The following NPEPPS variants were observed in gnomAD, a reference collection of about 807,000 sequenced individuals.
The protein encoded by NPEPPS is aminopeptidase puromycin sensitive, also known as puromycin-sensitive aminopeptidase.
In NPEPPS, 14 loss-of-function variants were observed where a neutral mutation model predicts 115.5. That is an observed-to-expected ratio of 0.12 (90% CI 0.08 to 0.19). NPEPPS has a LOEUF of 0.19. Among genes scored for constraint, NPEPPS ranks in the 10% least tolerant of loss-of-function variants. The probability of loss-of-function intolerance (pLI) is 1.00; values close to 1 mark genes in which losing one functional copy is unlikely to be tolerated. For synonymous variants in NPEPPS, 285 were observed against 390.6 expected (o/e 0.73, Z 3.19); for missense variants, 523 against 1,110.8 (o/e 0.47, Z 7.52).
chr17:47,609,241 A>G (rs944280552), intron 17 of NPEPPS, among the ~76,000 whole-genome samples: 1 of 152,216 alleles, frequency 6.6e-6, no homozygotes, highest in Non-Finnish European at 1.5e-5. Flanking sequence ...GGTCCAGTGC[A>G]GAAGTTAAGG....
intron 4 of NPEPPS, chr17:47,580,412 T>C (rs1365875610): frequency 3.3e-5 from 5 of 152,178 alleles, no homozygotes; most frequent in Admixed American, 3.3e-4. Context: ...CAATTTTTTT[T>C]TAGGAGAAGG....
rs553614809 is a variant in NPEPPS, at chr17:47,565,237, G to A, written c.341-4180G>A. 4.4e-4 allele frequency among the ~76,000 whole-genome samples: 67 copies of A among 152,214 alleles called. No homozygotes were observed. In the East Asian group the frequency reaches 0.011, roughly 25 times the overall value. On this transcript the variant is annotated intron_variant, in intron 2 of 22. Transcript: ENST00000322157. ...TTAAAGAAGTGATTTGAGGCTGGGC[G>A]TGGTGGCTTACACCTGTAATCCCAA...
chr17:47,528,192 C>T (rs1406799971), upstream of NPEPPS, among the ~76,000 whole-genome samples: 6 of 151,916 alleles, frequency 3.9e-5, no homozygotes, highest in Middle Eastern at 3.4e-3. Context: ...ATCCCAGCTA[C>T]TGAGGAGGCT....
intron 19 of NPEPPS, among the ~76,000 whole-genome samples, chr17:47,614,102 C>T (rs1036995836): frequency 3.3e-5 from 5 of 151,906 alleles, no homozygotes; most frequent in African/African-American, 9.7e-5. Context: ...TTCCAAGTAG[C>T]TGGAATTATA....
At position 47,612,441 on chromosome 17, in the gene NPEPPS, C is replaced by T; in HGVS notation, c.2096-19C>T. ...AGGCTTTTTAAGTAGTCTTATGTCT[C>T]TTTTACTTCTCAAATCAGGTCATCT... On this transcript the variant is annotated intron_variant, in intron 17 of 22. Transcript: ENST00000322157. 1 of 1,612,952 alleles carries T rather than the reference C, an allele frequency of 6.2e-7. No individual in the cohort carries two copies. Among genetic ancestry groups the T allele is most frequent in the Non-Finnish European group, 8.5e-7 (1 of 1,179,450 alleles).
intron 3 of NPEPPS, among the ~76,000 whole-genome samples, chr17:47,571,856 A>G (rs1398671479): frequency 6.6e-6 from 1 of 152,242 alleles, no homozygotes; most frequent in African/African-American, 2.4e-5. Context: ...TCCTATGTAT[A>G]TATAAATTTA....
intron 5 of NPEPPS, among the ~76,000 whole-genome samples, chr17:47,583,857 G>A (rs1211994821): frequency 2.0e-5 from 3 of 151,952 alleles, no homozygotes. Context: ...AGGAGTTTGA[G>A]GCTACAGGGA....
At chr17:47,554,937 C>G (rs1909899976) in intron 2 of NPEPPS, among the ~76,000 whole-genome samples, 1 of 152,168 alleles carries the variant, frequency 6.6e-6, no homozygotes, top group Non-Finnish European at 1.5e-5. Flanking sequence ...TTTCATCACA[C>G]TATTCAGAAC....
intron 2 of NPEPPS, among the ~76,000 whole-genome samples, chr17:47,554,056 T>C (rs1228312215): frequency 2.0e-5 from 3 of 151,652 alleles, no homozygotes; most frequent in Non-Finnish European, 4.4e-5. Context: ...TTTTTTTTTT[T>C]TGAGATGGAG....
chr17:47,600,054 G>A (rs904638292), intron 14 of NPEPPS, among the ~76,000 whole-genome samples: 5 of 152,004 alleles, frequency 3.3e-5, no homozygotes, highest in African/African-American at 1.2e-4. Flanking sequence ...TCCTGACCTC[G>A]AGATCCGCCT....
chr17:47,535,316 C>T (rs889567557), intron 1 of NPEPPS, among the ~76,000 whole-genome samples: 1 of 143,282 alleles, frequency 7.0e-6, no homozygotes, highest in Non-Finnish European at 1.5e-5. Context: ...CTTTGGGAGG[C>T]AGAGGCGGGC....
At chr17:47,538,225 T>TTTTTTTG (rs1908468474) in intron 1 of NPEPPS, among the ~76,000 whole-genome samples, 1 of 115,176 alleles carries the variant, frequency 8.7e-6, no homozygotes, top group African/African-American at 3.5e-5. Context: ...TTTTTTTTTT[T>TTTTTTTG]GAGACAGAGT....
At chr17:47,534,813 C>CT (rs915968724) in intron 1 of NPEPPS, among the ~76,000 whole-genome samples, 55 of 151,778 alleles carry the variant, frequency 3.6e-4, no homozygotes, top group African/African-American at 1.3e-3. Flanking sequence ...AGGTGATCCC[C>CT]TTCCCTTGGC....
At chr17:47,529,735 CAT>C (rs1491294147), upstream of NPEPPS, among the ~76,000 whole-genome samples, 1,928 of 17,990 alleles carry the variant, frequency 0.11, 394 homozygotes, top group Non-Finnish European at 0.17. Context: ...ATTTCAGTTA[CAT>C]TATATATATA....
chr17:47,537,827 T>C (rs28501532), intron 1 of NPEPPS, among the ~76,000 whole-genome samples: 151,921 of 151,924 alleles, frequency 1, 75,959 homozygotes, highest in Non-Finnish European at 1. Context: ...GAACTTTATT[T>C]TGAACATCTC....
intron 2 of NPEPPS, among the ~76,000 whole-genome samples, chr17:47,558,801 G>A (rs1286500453): frequency 4.1e-4 from 63 of 152,216 alleles, no homozygotes; most frequent in South Asian, 4.1e-4. Flanking sequence ...TTGGGAGGCC[G>A]AGGTGGGTGG....
chr17:47,599,614 A>G (rs1472599677), intron 13 of NPEPPS, 62 bp from the exon 14 acceptor site: 1 of 1,428,788 alleles, frequency 7.0e-7, no homozygotes, highest in East Asian at 2.5e-5. Flanking sequence ...TCCTCTTCAA[A>G]AACAAAAACC....
chr17:47,618,170 C>T (rs996706797), intron 19 of NPEPPS, among the ~76,000 whole-genome samples, 180 bp from the exon 20 acceptor site: 6 of 152,034 alleles, frequency 3.9e-5, no homozygotes, highest in Admixed American at 1.3e-4. Flanking sequence ...TGTGAACCAC[C>T]GCACCTGGCC....
chr17:47,547,950 C>T (rs1597823964), intron 2 of NPEPPS, among the ~76,000 whole-genome samples: 1 of 152,184 alleles, frequency 6.6e-6, no homozygotes, highest in Non-Finnish European at 1.5e-5. Flanking sequence ...GGCGTGAACC[C>T]GGGAGGCAGA....
Sources: gnomAD v4.1 joint callset for allele counts (sites outside exome capture counted in the v4.1 genomes callset) on GRCh38, gnomAD v4.1.1 for gene constraint, MANE v1.5 for transcripts, NCBI Gene and HGNC (gene_info 2026-07-23, HGNC 2026-07-21) for gene names.